MAGI2: variants seen among roughly 807,000 people sequenced by gnomAD.
The protein encoded by MAGI2 is membrane associated guanylate kinase, WW and PDZ domain containing 2.
A neutral mutation model predicts 133.3 loss-of-function variants in MAGI2; 35 were observed. That is an observed-to-expected ratio of 0.26 (90% CI 0.20 to 0.35). The LOEUF is 0.35. Ranked by LOEUF, MAGI2 falls within the 10% of genes least tolerant of loss-of-function variation. The probability of loss-of-function intolerance (pLI) is 1.00; values close to 1 mark genes in which losing one functional copy is unlikely to be tolerated. For missense variants in MAGI2, 1,636 were observed against 1,863.4 expected, an observed-to-expected ratio of 0.88 and a Z score of 2.25; for synonymous variants, 729 against 710.6, an observed-to-expected ratio of 1.03 and a Z score of -0.41.
intron 1 of MAGI2, among the ~76,000 whole-genome samples, chr7:79,129,867 ATGC>A (rs1475113304): frequency 6.6e-6 from 1 of 152,244 alleles, no homozygotes; most frequent in Non-Finnish European, 1.5e-5. Flanking sequence ...CAGCAATGAA[ATGC>A]TGCACATTTC....
intron 1 of MAGI2, among the ~76,000 whole-genome samples, chr7:79,236,635 G>A (rs568190862): frequency 2.6e-5 from 4 of 152,148 alleles, no homozygotes; most frequent in South Asian, 2.1e-4. Context: ...TGAAACTATC[G>A]AACTAGATGG....
intron 2 of MAGI2, among the ~76,000 whole-genome samples, chr7:78,688,004 AAAAAG>A (rs1816551248): frequency 6.7e-6 from 1 of 150,228 alleles, no homozygotes; most frequent in African/African-American, 2.4e-5. Context: ...AAAAAAAAGA[AAAAAG>A]AAAAGAAAAA....
chr7:78,769,593 A>G (rs144938441), intron 2 of MAGI2, among the ~76,000 whole-genome samples: 3,446 of 152,254 alleles, frequency 0.023, 62 homozygotes, highest in Non-Finnish European at 0.034. Context: ...AGAGCAAATC[A>G]CAATGCTGAG....
At chr7:78,295,767 G>A (rs1245229607) in intron 9 of MAGI2, among the ~76,000 whole-genome samples, 1 of 152,108 alleles carries the variant, frequency 6.6e-6, no homozygotes, top group Non-Finnish European at 1.5e-5. Context: ...TCCAGGCACA[G>A]TGTCTCCTGT....
rs140612473 is a variant in MAGI2, at chr7:78,169,856, A to ATTCTC, written c.2404-1753_2404-1749dup. Among the ~76,000 whole-genome samples the ATTCTC allele has an allele frequency of 5.1e-3, 777 of 152,306 alleles. 4 individuals carry two copies. The highest frequency in any genetic ancestry group is 8.3e-3 in the Non-Finnish European group (566 of 68,020). Reference sequence around the variant, plus strand: ...GTCCAGAAGTTGGGTATGCTCTGATATTCTCCACTTTCCCTTCTTGTCATG... The same window carrying ATTCTC: ...GTCCAGAAGTTGGGTATGCTCTGATATTCTCTTCTCCACTTTCCCTTCTTGTCATG... On this transcript the variant is annotated intron_variant, in intron 14 of 21. Transcript: ENST00000354212.
At chr7:79,348,572 C>T (rs2129107125) in intron 1 of MAGI2, among the ~76,000 whole-genome samples, 1 of 151,718 alleles carries the variant, frequency 6.6e-6, no homozygotes, top group South Asian at 2.1e-4. Flanking sequence ...TGTAAGTGCT[C>T]AGTAATTTGT....
At chr7:78,091,990 C>G (rs1308132102) in intron 20 of MAGI2, among the ~76,000 whole-genome samples, 7 of 152,204 alleles carry the variant, frequency 4.6e-5, no homozygotes, top group African/African-American at 1.4e-4. Flanking sequence ...GTTAGTACTT[C>G]ATGGGTCTGA....
intron 3 of MAGI2, among the ~76,000 whole-genome samples, chr7:78,521,971 C>A (rs1232373175): frequency 2.0e-5 from 3 of 152,120 alleles, no homozygotes; most frequent in Non-Finnish European, 2.9e-5. Context: ...TTTTTTATAA[C>A]AAGACTTGAT....
intron 2 of MAGI2, among the ~76,000 whole-genome samples, chr7:79,003,936 A>G (rs7777825): frequency 0.02 from 3,107 of 152,300 alleles, 105 homozygotes; most frequent in African/African-American, 0.071. Context: ...TCTATTATTA[A>G]AAAGAGCAAA....
rs541678047 is a variant in MAGI2, at chr7:78,941,386, G to T, written c.418+65704C>A. Among the ~76,000 whole-genome samples the T allele has an allele frequency of 2.0e-5, 3 of 152,274 alleles. No individual in the cohort carries two copies. In the South Asian group the frequency reaches 6.2e-4, roughly 32 times the overall value. ...TATTTTTGAGACAGAGTCTCAGTTTGTCACCCAGGCCAGAGTGCAATGGTG... is the reference window on the plus strand; with the variant it reads ...TATTTTTGAGACAGAGTCTCAGTTTTTCACCCAGGCCAGAGTGCAATGGTG... On this transcript the variant is annotated intron_variant, in intron 2 of 21. Coordinates refer to ENST00000354212, the MANE Select transcript of MAGI2 (RefSeq NM_012301.4).
chr7:78,107,167 T>C (rs906559378), intron 20 of MAGI2, among the ~76,000 whole-genome samples: 8 of 152,172 alleles, frequency 5.3e-5, no homozygotes, highest in African/African-American at 1.7e-4. Flanking sequence ...TCCCTGTGGA[T>C]ATCTGGATTT....
chr7:78,990,170 C>T (rs1267991296), intron 2 of MAGI2, among the ~76,000 whole-genome samples: 1 of 151,896 alleles, frequency 6.6e-6, no homozygotes, highest in East Asian at 1.9e-4. Context: ...TATTTTATTC[C>T]CATTTTACAA....
intron 16 of MAGI2, among the ~76,000 whole-genome samples, chr7:78,147,668 A>C (rs1823442833): frequency 6.6e-6 from 1 of 152,138 alleles, no homozygotes; most frequent in South Asian, 2.1e-4. Flanking sequence ...TCCTTGGCAA[A>C]GATATGCAGA....
chr7:78,783,192 C>A (rs1265702294), intron 2 of MAGI2, among the ~76,000 whole-genome samples: 6 of 151,998 alleles, frequency 3.9e-5, no homozygotes, highest in African/African-American at 1.2e-4. Context: ...ACTGATCATG[C>A]TATCGCTCTT....
intron 15 of MAGI2, among the ~76,000 whole-genome samples, chr7:78,165,444 A>G (rs1321500062): frequency 6.6e-6 from 1 of 152,198 alleles, no homozygotes; most frequent in Non-Finnish European, 1.5e-5. Context: ...TGTATCTCTC[A>G]TAATGAACGT....
At chr7:78,120,620 C>T (rs1387961544) in intron 20 of MAGI2, among the ~76,000 whole-genome samples, 1 of 152,082 alleles carries the variant, frequency 6.6e-6, no homozygotes, top group African/African-American at 2.4e-5. Flanking sequence ...AATCCATATA[C>T]AGACCACTGC....
Position 79,227,159 on chromosome 7 carries a change from T to A in MAGI2, c.302-219953A>T, listed in dbSNP as rs568798860. The stretch of plus-strand genomic sequence containing the variant: ...AATAAATAGTATGAGTGTTCTTTCA[T>A]GCAGCCATAAATTACTGTCTATTAT... On this transcript the variant is annotated intron_variant, in intron 1 of 21. Coordinates refer to ENST00000354212, the MANE Select transcript of MAGI2 (RefSeq NM_012301.4). Among the ~76,000 whole-genome samples the A allele has an allele frequency of 4.4e-4, 67 of 152,308 alleles. No homozygotes were observed. In the Middle Eastern group the frequency reaches 0.02, roughly 46 times the overall value.
chr7:78,308,447 A>T (rs940530950), intron 9 of MAGI2, among the ~76,000 whole-genome samples: 7 of 152,184 alleles, frequency 4.6e-5, no homozygotes, highest in African/African-American at 1.7e-4. Flanking sequence ...AAGGCTTCTT[A>T]TTTAGTAGGG....
chr7:78,571,155 A>G (rs1335321195), intron 3 of MAGI2, among the ~76,000 whole-genome samples: 2 of 152,150 alleles, frequency 1.3e-5, no homozygotes, highest in Non-Finnish European at 2.9e-5. Context: ...AATTATCATC[A>G]CCTTCATTCT....
Sources: allele counts gnomAD v4.1 joint callset (sites outside exome capture counted in the v4.1 genomes callset), GRCh38; gene constraint gnomAD v4.1.1; transcripts MANE v1.5; gene names NCBI Gene and HGNC (gene_info 2026-07-23, HGNC 2026-07-21).